RESF1: variants seen among roughly 807,000 people sequenced by gnomAD.
RESF1 encodes gonad expressed transcript.
In RESF1, 65 loss-of-function variants were observed where a neutral mutation model predicts 134.7. The ratio of observed to expected loss-of-function variants is 0.48; its 90% confidence interval spans 0.40 to 0.59. RESF1 has a LOEUF of 0.59. Ranked by LOEUF, RESF1 falls within the 20% of genes least tolerant of loss-of-function variation. RESF1 has a pLI of 0.00. For missense variants in RESF1, 2,274 were observed against 2,002.7 expected, an observed-to-expected ratio of 1.14 and a Z score of -2.59; for synonymous variants, 762 against 702.2, an observed-to-expected ratio of 1.09 and a Z score of -1.35.
In RESF1 at chr12:31,987,303, G is replaced by GAA; in HGVS notation, c.5069_5070dup (p.Asp1691LysfsTer30). 1 of 1,602,256 alleles carries GAA rather than the reference G, an allele frequency of 6.2e-7. No individual in the cohort carries two copies. The highest frequency in any genetic ancestry group is 8.5e-7 in the Non-Finnish European group (1 of 1,170,366). ...TTGTTGCTACAAAGAAAAGGACACA[G>GAA]AAAGACAGCCAAGAGAGAGGTAAAG... On this transcript the variant is annotated frameshift_variant, in exon 5 of 6. Coordinates refer to ENST00000312561, the MANE Select transcript of RESF1 (RefSeq NM_018169.4). LOFTEE classifies it low-confidence loss of function (END_TRUNC).
rs1216523525 is a variant in RESF1, at chr12:31,982,087, C to G, written c.1132C>G (p.Pro378Ala). 1 of 1,614,084 alleles carries G rather than the reference C, an allele frequency of 6.2e-7. No individual in the cohort carries two copies. Among genetic ancestry groups the G allele is most frequent in the East Asian group, 2.2e-5 (1 of 44,876 alleles). The change falls in exon 4 of 6, where the codon CCA becomes GCA. Residue 378 changes from proline to alanine, a missense_variant. Coordinates refer to ENST00000312561, the MANE Select transcript of RESF1 (RefSeq NM_018169.4). ...AGAGAAAATAATGGATTCTTGCAAT[C>G]CAACTTCAAATCAAGTACTGGACAC... ...NEEKIMDSCN[P>A]TSNQVLDTSV...
rs1256271151 is a variant in RESF1 at position 31,990,146 on chromosome 12, A to G, written c.5087-2232A>G. 2.0e-5 allele frequency among the ~76,000 whole-genome samples: 3 copies of G among 152,176 alleles called. 1 individual carries two copies. The South Asian group carries it at 6.2e-4, about 32-fold the overall frequency. On this transcript the variant is annotated intron_variant, in intron 5 of 5. Coordinates refer to ENST00000312561, the MANE Select transcript of RESF1 (RefSeq NM_018169.4). ...ATGTTTGGAATCTGAAGCTGAAAAC[A>G]CTCAAAAGACAGATACACAGATTGA...
Position 31,984,477 on chromosome 12 carries a change from A to G in RESF1, c.3522A>G (p.Ala1174=). 1 of 1,612,702 alleles carries G rather than the reference A, an allele frequency of 6.2e-7. No individual in the cohort carries two copies. The highest frequency in any genetic ancestry group is 8.5e-7 in the Non-Finnish European group (1 of 1,178,910). The part of the protein sequence containing the change: ...DSEKDDIHCC[A]LGWLSMVYEG... ...AGAAAGATGATATCCACTGCTGTGC[A>G]TTGGGCTGGCTCTCCATGGTTTACG... The change falls in exon 4 of 6, where the codon GCA becomes GCG. Residue 1174 remains alanine, a synonymous_variant. Coordinates refer to ENST00000312561, the MANE Select transcript of RESF1 (RefSeq NM_018169.4).
chr12:31,976,489 G>A (rs1488550247), intron 3 of RESF1, among the ~76,000 whole-genome samples: 4 of 152,100 alleles, frequency 2.6e-5, no homozygotes, highest in African/African-American at 9.7e-5. Flanking sequence ...TTCGAGACCA[G>A]CCTGGCCAAC....
In RESF1 at chr12:31,984,056, A is replaced by C. The variant is rs1313859422; in HGVS notation, c.3101A>C (p.Gln1034Pro). 6.2e-7 allele frequency: 1 copy of C among 1,614,016 alleles called. No individual in the cohort carries two copies. Among genetic ancestry groups the C allele is most frequent in the Non-Finnish European group, 8.5e-7 (1 of 1,180,004 alleles). ...EIDASSNYTP[Q>P]DPARNEIHSD... ...GATGCATCCAGCAACTATACTCCCC[A>C]AGATCCTGCAAGAAATGAAATCCAC... Residue 1034 changes from glutamine to proline, a missense_variant, in exon 4 of 6, where the codon CAA becomes CCA. Physicochemically the swap from Gln to Pro is moderately conservative, Grantham distance 76. Transcript: ENST00000312561.
At chr12:31,960,359 C>G (rs1393891412) in intron 1 of RESF1, among the ~76,000 whole-genome samples, 1 of 152,082 alleles carries the variant, frequency 6.6e-6, no homozygotes, top group African/African-American at 2.4e-5. Context: ...AGGCGGGCCG[C>G]AGAGCTTGTT....
chr12:31,959,709 C>CCGGGCCGCCGCGCTTGCTT (rs1318088381), intron 1 of RESF1: 150 of 151,292 alleles, frequency 9.9e-4, no homozygotes, highest in African/African-American at 2.8e-3. Flanking sequence ...CGGAGCTGGG[C>CCGGGCCGCCGCGCTTGCTT]CGGGCCGCCG....
intron 2 of RESF1, among the ~76,000 whole-genome samples, chr12:31,962,993 G>A (rs780207511): frequency 6.6e-6 from 1 of 152,072 alleles, no homozygotes; most frequent in Non-Finnish European, 1.5e-5. Flanking sequence ...CGGCTATCCG[G>A]GAGGCAGAGG....
Position 31,985,004 on chromosome 12 carries a change from A to G in RESF1, c.4049A>G (p.His1350Arg), listed in dbSNP as rs1029444145. 15 of 1,606,830 alleles carry G rather than the reference A, an allele frequency of 9.3e-6. No individual in the cohort carries two copies. The highest frequency in any genetic ancestry group is 1.3e-5 in the African/African-American group (1 of 74,432). Residue 1350 changes from histidine to arginine, a missense_variant, in exon 4 of 6, where the codon CAT (histidine) becomes CGT (arginine). Transcript: ENST00000312561. Reference protein sequence around the residue: ...FLPNKDVYKKHSSLGQSLSPE... With the variant: ...FLPNKDVYKKRSSLGQSLSPE... ...CCAAATAAAGATGTGTATAAGAAGC[A>G]TAGTTCTTTGGGACAGTCATTATCA...
intron 3 of RESF1, among the ~76,000 whole-genome samples, chr12:31,972,760 G>T (rs1379770444): frequency 1.3e-5 from 2 of 152,164 alleles, no homozygotes; most frequent in African/African-American, 4.8e-5. Context: ...TGCTTGTTAT[G>T]TGGGGTGAGA....
chr12:31,978,695 G>A (rs1003551981), intron 3 of RESF1, among the ~76,000 whole-genome samples: 7 of 147,682 alleles, frequency 4.7e-5, no homozygotes, highest in African/African-American at 1.5e-4. Flanking sequence ...ACAGGTGCCC[G>A]CCACCACACC....
At chr12:31,960,212 TCAG>T (rs1445758314) in intron 1 of RESF1, among the ~76,000 whole-genome samples, 1 of 152,158 alleles carries the variant, frequency 6.6e-6, no homozygotes, top group Non-Finnish European at 1.5e-5. Flanking sequence ...GGTCCTGAGT[TCAG>T]CAGCAAACTT....
chr12:31,982,333 G>T lies in RESF1; in HGVS notation c.1378G>T (p.Val460Leu), dbSNP rs1939818912. The T allele has an allele frequency of 1.2e-6, 2 of 1,614,150 alleles. No individual in the cohort carries two copies. The highest frequency in any genetic ancestry group is 1.7e-6 in the Non-Finnish European group (2 of 1,180,036). ...KIQSGPQITP[V>L]MPENAERQTP... ...CCAGTCTGGACCCCAGATAACTCCA[G>T]TAATGCCAGAGAATGCAGAGAGACA... Residue 460 changes from valine to leucine, a missense_variant, in exon 4 of 6, where the codon GTA becomes TTA. Transcript: ENST00000312561.
chr12:31,970,577 T>TA (rs1939484529), intron 3 of RESF1, among the ~76,000 whole-genome samples: 1 of 151,762 alleles, frequency 6.6e-6, no homozygotes, highest in African/African-American at 2.4e-5. Context: ...CAGTTTTAAG[T>TA]AAACAAGCTT....
At position 31,983,417 on chromosome 12, in the gene RESF1, C is replaced by G; in HGVS notation, c.2462C>G (p.Pro821Arg). ...GCTTTGAAAGTTGATGTTAGTGGAC[C>G]AGTAGCAAGTACAGCAACATCAACC... ...TAALKVDVSG[P>R]VASTATSTKI... Residue 821 changes from proline (P) to arginine (R), a missense_variant, in exon 4 of 6, where the codon CCA (proline) becomes CGA (arginine). Physicochemically the swap from Pro to Arg is moderately radical, Grantham distance 103 (BLOSUM62 -2). Coordinates refer to ENST00000312561, the MANE Select transcript of RESF1 (RefSeq NM_018169.4). 6.2e-7 allele frequency: 1 copy of G among 1,613,964 alleles called. No individual in the cohort carries two copies. The highest frequency in any genetic ancestry group is 8.5e-7 in the Non-Finnish European group (1 of 1,179,986).
chr12:31,979,331 G>C (rs781589465), intron 3 of RESF1, among the ~76,000 whole-genome samples: 1 of 152,126 alleles, frequency 6.6e-6, no homozygotes, highest in Admixed American at 6.5e-5. Context: ...CTGTCTACCT[G>C]ATGTTACCAT....
At chr12:31,992,180 C>G (rs369895042) in intron 5 of RESF1, among the ~76,000 whole-genome samples, 198 bp from the exon 6 acceptor site, 5 of 152,076 alleles carry the variant, frequency 3.3e-5, no homozygotes, top group African/African-American at 1.2e-4. Context: ...AGAAAACAGC[C>G]CCCAAAAGAA....
chr12:31,966,447 G>A (rs919664344), intron 2 of RESF1, among the ~76,000 whole-genome samples: 2 of 152,144 alleles, frequency 1.3e-5, no homozygotes, highest in Non-Finnish European at 1.5e-5. Flanking sequence ...TTTGTCTCTG[G>A]CTTCTCTGCT....
In RESF1 at chr12:31,992,730, G is replaced by A; in HGVS notation, c.*195G>A. ...GGTAGCCATGTGTAAGAAATGGATGGTATTCACCGGGGAAACAAGGTATTT... is the reference window on the plus strand; with the variant it reads ...GGTAGCCATGTGTAAGAAATGGATGATATTCACCGGGGAAACAAGGTATTT... On this transcript the variant is annotated 3_prime_UTR_variant, in exon 6 of 6. Transcript: ENST00000312561. 3 of 583,668 alleles carry A rather than the reference G, an allele frequency of 5.1e-6. No homozygotes were observed. Among genetic ancestry groups the A allele is most frequent in the Admixed American group, 3.2e-5 (1 of 30,778 alleles). 36.2% of individuals were successfully genotyped at this position (583,668 alleles called of 1,614,324 possible). A position where few individuals can be genotyped will look rare whatever the true frequency, so the allele number is the denominator to read the frequency against.
Sources: allele counts gnomAD v4.1 joint callset (sites outside exome capture counted in the v4.1 genomes callset), GRCh38; gene constraint gnomAD v4.1.1; transcripts MANE v1.5; gene names NCBI Gene and HGNC (gene_info 2026-07-23, HGNC 2026-07-21).